The following MDH1B variants were observed in gnomAD, a reference collection of about 807,000 sequenced individuals.
MDH1B encodes the protein malate dehydrogenase 1B, also known as putative malate dehydrogenase 1B.
A neutral mutation model predicts 61.4 loss-of-function variants in MDH1B; 60 were observed. The ratio of observed to expected loss-of-function variants is 0.98; its 90% confidence interval spans 0.79 to 1.21. MDH1B has a LOEUF of 1.21. Among genes scored for constraint, MDH1B ranks in the 50% most tolerant of loss-of-function variants. The probability of loss-of-function intolerance (pLI) is 0.00; values close to 1 mark genes in which losing one functional copy is unlikely to be tolerated. For missense variants in MDH1B, 587 were observed against 632.1 expected, an observed-to-expected ratio of 0.93 and a Z score of 0.76; for synonymous variants, 236 against 218.7, an observed-to-expected ratio of 1.08 and a Z score of -0.70.
chr2:206,758,783 A>C (rs75841960), intron 2 of MDH1B, among the ~76,000 whole-genome samples: 8,075 of 138,936 alleles, frequency 0.058, 279 homozygotes, highest in African/African-American at 0.094. Context: ...CACACACACA[A>C]AAAAAAAACT....
chr2:206,762,390 GA>G lies in MDH1B; in HGVS notation c.23-1378del, dbSNP rs553627363. Among the ~76,000 whole-genome samples, 636 of 152,216 alleles carry G rather than the reference GA, an allele frequency of 4.2e-3. 4 individuals are homozygous for G. Among genetic ancestry groups the G allele is most frequent in the Non-Finnish European group, 5.3e-3 (362 of 68,018 alleles). Reference sequence around the variant, plus strand: ...CTTTCCTCCTTTCTTCATTTCAATGGAAGAGGAGTCCTACCTCCTGTCTAAT... The same window carrying G: ...CTTTCCTCCTTTCTTCATTTCAATGGAGAGGAGTCCTACCTCCTGTCTAAT... On this transcript the variant is annotated intron_variant, in intron 1 of 11. Transcript: ENST00000374412.
chr2:206,751,516 G>A (rs1365843145), intron 5 of MDH1B, among the ~76,000 whole-genome samples: 1 of 152,110 alleles, frequency 6.6e-6, no homozygotes, highest in African/African-American at 2.4e-5. Context: ...AGAAATTAGG[G>A]CAAATCATTT....
intron 5 of MDH1B, among the ~76,000 whole-genome samples, chr2:206,752,505 T>A (rs950508773): frequency 1.3e-5 from 2 of 151,956 alleles, no homozygotes; most frequent in Non-Finnish European, 2.9e-5. Flanking sequence ...TCAGGGGAGT[T>A]AGTGATGTGC....
intron 1 of MDH1B, among the ~76,000 whole-genome samples, chr2:206,763,895 A>G (rs1689257895): frequency 8.2e-6 from 1 of 122,342 alleles, no homozygotes; most frequent in Admixed American, 8.1e-5. Context: ...CTGATTAAGT[A>G]AGGTCCCTGC....
At chr2:206,742,568 C>T (rs1043996473) in intron 9 of MDH1B, among the ~76,000 whole-genome samples, 1 of 152,090 alleles carries the variant, frequency 6.6e-6, no homozygotes, top group East Asian at 1.9e-4. Flanking sequence ...AATGTTGATT[C>T]TCCTCAGTAG....
chr2:206,741,725 T>A (rs1687824230), intron 9 of MDH1B, among the ~76,000 whole-genome samples: 1 of 152,178 alleles, frequency 6.6e-6, no homozygotes, highest in Non-Finnish European at 1.5e-5. Context: ...TCCTATTAGT[T>A]CTGTCCCTCT....
At chr2:206,741,277 CAA>C in intron 9 of MDH1B, 173 bp from the exon 10 acceptor site, 1 of 785,802 alleles carries the variant, frequency 1.3e-6, no homozygotes, top group Middle Eastern at 2.3e-4. Flanking sequence ...ATTAATGAAA[CAA>C]AAAAATACAT....
At position 206,739,671 on chromosome 2, in the gene MDH1B, G is replaced by C; in HGVS notation, c.1460-10C>G. The C allele has an allele frequency of 6.2e-7, 1 of 1,613,024 alleles. No homozygotes were observed. The highest frequency in any genetic ancestry group is 1.1e-5 in the South Asian group (1 of 91,042). ...TTTGGAAACTCTGCTGCTGCAAATA[G>C]AGTTAAAAGAATAGTTTTTAGTATG... On this transcript the variant is annotated splice_polypyrimidine_tract_variant and intron_variant, in intron 10 of 11. Transcript: ENST00000374412.
chr2:206,755,597 A>G (rs895524026), intron 4 of MDH1B, 92 bp from the exon 5 acceptor site: 3 of 1,455,528 alleles, frequency 2.1e-6, no homozygotes, highest in Non-Finnish European at 2.8e-6. Flanking sequence ...ATGTGCATCA[A>G]TAGGGTGGTT....
rs199641292 is a variant in MDH1B, at chr2:206,746,350, T to C, written c.1293A>G (p.Thr431=). The change falls in exon 8 of 12, where the codon ACA becomes ACG. Residue 431 remains threonine, a synonymous_variant. Transcript: ENST00000374412. The stretch of plus-strand genomic sequence containing the variant: ...CACTTATTTCAACATCTTTGAGATC[T>C]GTAAGAACCACCCAAGTTCCATTCT... ...KFENGTWVVL[T]DLKDVEISEQ... is the part of the protein sequence containing the mutation. The C allele has an allele frequency of 6.2e-7, 1 of 1,613,924 alleles. No individual in the cohort carries two copies. The highest frequency in any genetic ancestry group is 1.3e-5 in the African/African-American group (1 of 75,042).
rs1475650354 is a variant in MDH1B, at chr2:206,755,436, T to C, written c.483A>G (p.Thr161=). 1 of 1,614,114 alleles carries C rather than the reference T, an allele frequency of 6.2e-7. No individual in the cohort carries two copies. Among genetic ancestry groups the C allele is most frequent in the Admixed American group, 1.7e-5 (1 of 60,000 alleles). ...TGTCAAATAGAGTTATGCTAATTTCTGTATGCATCCCAAACACTTCGCCAC... is the reference window on the plus strand; with the variant it reads ...TGTCAAATAGAGTTATGCTAATTTCCGTATGCATCCCAAACACTTCGCCAC... ...LTSGEVFGMH[T]EISITLFDNK... is the part of the protein sequence containing the mutation. Residue 161 remains threonine (T), a synonymous_variant, in exon 5 of 12, where the codon ACA becomes ACG. Transcript: ENST00000374412.
intron 9 of MDH1B, among the ~76,000 whole-genome samples, chr2:206,743,279 T>A (rs1225557493): frequency 6.6e-6 from 1 of 152,160 alleles, no homozygotes; most frequent in Non-Finnish European, 1.5e-5. Flanking sequence ...ATTTTTCAGG[T>A]ATCATTTTAT....
chr2:206,752,444 G>A (rs1373145374), intron 5 of MDH1B, among the ~76,000 whole-genome samples: 2 of 151,980 alleles, frequency 1.3e-5, no homozygotes, highest in Non-Finnish European at 2.9e-5. Context: ...CGCCCCCATC[G>A]GAATGATTCC....
intron 2 of MDH1B, among the ~76,000 whole-genome samples, chr2:206,757,727 C>T (rs925174462): frequency 4.6e-5 from 7 of 152,148 alleles, no homozygotes; most frequent in Admixed American, 3.3e-4. Flanking sequence ...TATTCTTTTA[C>T]ACATGCAATA....
At chr2:206,748,358 G>A (rs112642944) in intron 7 of MDH1B, among the ~76,000 whole-genome samples, 9 of 152,206 alleles carry the variant, frequency 5.9e-5, no homozygotes, top group African/African-American at 1.2e-4. Flanking sequence ...CAGCCTGAGC[G>A]TCACAGCAAG....
chr2:206,743,726 G>A (rs965203783), intron 9 of MDH1B, among the ~76,000 whole-genome samples: 3 of 151,964 alleles, frequency 2.0e-5, no homozygotes, highest in African/African-American at 7.3e-5. Context: ...AGGCGTGCAT[G>A]CACACACACA....
intron 7 of MDH1B, 57 bp downstream of exon 7, chr2:206,748,963 C>T: frequency 2.7e-6 from 4 of 1,501,964 alleles, no homozygotes; most frequent in Non-Finnish European, 3.7e-6. Flanking sequence ...GAATTAGGAG[C>T]ACGAGTTATA....
intron 5 of MDH1B, among the ~76,000 whole-genome samples, chr2:206,753,988 A>C (rs897759883): frequency 1.3e-5 from 2 of 152,176 alleles, no homozygotes; most frequent in Non-Finnish European, 2.9e-5. Context: ...TATAAGGTTG[A>C]TGACAGAGAT....
chr2:206,754,935 A>G (rs890035255), intron 5 of MDH1B, 74 bp downstream of exon 5: 2 of 1,479,682 alleles, frequency 1.4e-6, no homozygotes, highest in Non-Finnish European at 1.8e-6. Context: ...TAGAGGGGAC[A>G]GTGTTCTTCC....
Sources: gnomAD v4.1 joint callset for allele counts (sites outside exome capture counted in the v4.1 genomes callset) on GRCh38, gnomAD v4.1.1 for gene constraint, MANE v1.5 for transcripts, NCBI Gene and HGNC (gene_info 2026-07-23, HGNC 2026-07-21) for gene names.